The following SDK2 variants were observed in gnomAD, a reference collection of about 807,000 sequenced individuals.
The protein encoded by SDK2 is protein sidekick-2.
SDK2 carries 105 observed loss-of-function variants against 253.9 expected under a neutral mutation model. That is an observed-to-expected ratio of 0.41 (90% CI 0.35 to 0.49). The LOEUF is 0.49. Ranked by LOEUF, SDK2 falls within the 20% of genes least tolerant of loss-of-function variation. The pLI is 0.06. For missense variants in SDK2, 2,608 were observed against 3,003.0 expected (o/e 0.87, Z 3.07); for synonymous variants, 1,249 against 1,234.9 (o/e 1.01, Z -0.24).
intron 1 of SDK2, among the ~76,000 whole-genome samples, chr17:73,578,149 T>A (rs1029769249): frequency 1.3e-5 from 2 of 150,256 alleles, no homozygotes; most frequent in African/African-American, 4.9e-5. Context: ...AACATCCACC[T>A]CCCTGGTTCA....
chr17:73,353,241 G>A (rs964428069), intron 40 of SDK2, among the ~76,000 whole-genome samples: 1 of 152,162 alleles, frequency 6.6e-6, no homozygotes, highest in Non-Finnish European at 1.5e-5. Context: ...ATTAGCACTT[G>A]TGCAAGCAGA....
At chr17:73,363,893 C>G (rs983642779) in intron 38 of SDK2, among the ~76,000 whole-genome samples, 3 of 151,836 alleles carry the variant, frequency 2.0e-5, no homozygotes, top group African/African-American at 7.3e-5. Context: ...GGGCCTGGCT[C>G]CCCCCTGGTG....
chr17:73,604,708 G>C (rs779541901), intron 1 of SDK2, among the ~76,000 whole-genome samples: 60 of 152,202 alleles, frequency 3.9e-4, no homozygotes, highest in Non-Finnish European at 5.9e-4. Context: ...AGTGTGCCAA[G>C]TGGGCCTCAC....
chr17:73,626,360 A>AC (rs1185595443), intron 1 of SDK2, among the ~76,000 whole-genome samples: 1 of 152,178 alleles, frequency 6.6e-6, no homozygotes, highest in Non-Finnish European at 1.5e-5. Context: ...CTCCACCCCC[A>AC]CCACACCCAA....
intron 44 of SDK2, among the ~76,000 whole-genome samples, chr17:73,340,141 G>A (rs1388696702): frequency 1.3e-5 from 2 of 152,186 alleles, no homozygotes. Flanking sequence ...CAAAGTGCTG[G>A]GATTCAGGCG....
intron 41 of SDK2, among the ~76,000 whole-genome samples, chr17:73,351,746 G>T (rs976367948): frequency 1.3e-5 from 2 of 152,132 alleles, no homozygotes; most frequent in Non-Finnish European, 2.9e-5. Context: ...CATGCTGTGT[G>T]GACAAGAGAT....
intron 5 of SDK2, among the ~76,000 whole-genome samples, chr17:73,444,744 C>A (rs2063440199): frequency 6.6e-6 from 1 of 152,196 alleles, no homozygotes; most frequent in African/African-American, 2.4e-5. Context: ...AACTGAGGCT[C>A]AGGGACCATG....
intron 1 of SDK2, among the ~76,000 whole-genome samples, chr17:73,625,324 T>C (rs1204409858): frequency 4.6e-5 from 7 of 152,240 alleles, no homozygotes; most frequent in African/African-American, 7.2e-5. Flanking sequence ...ACCATTCTTC[T>C]ACCTCACCCT....
At chr17:73,606,603 G>A (rs1175018813) in intron 1 of SDK2, among the ~76,000 whole-genome samples, 3 of 152,064 alleles carry the variant, frequency 2.0e-5, no homozygotes, top group Non-Finnish European at 4.4e-5. Context: ...GTCATAAATC[G>A]ACAAACGTGC....
chr17:73,606,197 G>A (rs1356913634), intron 1 of SDK2, among the ~76,000 whole-genome samples: 1 of 152,162 alleles, frequency 6.6e-6, no homozygotes, highest in Non-Finnish European at 1.5e-5. Context: ...ATGGACTCAT[G>A]ATGAAAAGAG....
chr17:73,339,332 T>C (rs968314948), intron 44 of SDK2, among the ~76,000 whole-genome samples: 2 of 150,406 alleles, frequency 1.3e-5, no homozygotes, highest in Non-Finnish European at 3.0e-5. Flanking sequence ...GTTCAAGCAA[T>C]TCTCCTGCCT....
intron 4 of SDK2, among the ~76,000 whole-genome samples, chr17:73,449,204 A>G (rs1490541233): frequency 6.6e-6 from 1 of 152,112 alleles, no homozygotes; most frequent in African/African-American, 2.4e-5. Context: ...CAGAAGCGCC[A>G]CCCACACCGG....
chr17:73,339,235 GT>G (rs368507991), intron 44 of SDK2, among the ~76,000 whole-genome samples: 20,359 of 138,310 alleles, frequency 0.15, 1,865 homozygotes, highest in South Asian at 0.23. Context: ...TTTTGTTTTT[GT>G]TTTTTTTTTT....
chr17:73,539,631 A>G (rs1599661219), intron 1 of SDK2, among the ~76,000 whole-genome samples: 1 of 152,178 alleles, frequency 6.6e-6, no homozygotes, highest in Non-Finnish European at 1.5e-5. Context: ...GAGCTTTGTT[A>G]TGGGTAAAAT....
At position 73,438,020 on chromosome 17, in the gene SDK2, A is replaced by G; in HGVS notation, c.860T>C (p.Val287Ala). 1.3e-6 allele frequency: 2 copies of G among 1,551,572 alleles called. No individual in the cohort carries two copies. Among genetic ancestry groups the G allele is most frequent in the Non-Finnish European group, 1.7e-6 (2 of 1,147,022 alleles). Reference protein sequence around the residue: ...SDAGYYECEAVLRSSSVPSVV... With the variant: ...SDAGYYECEAALRSSSVPSVV... Reference sequence around the variant, plus strand: ...AGAGGGGACGCTGCTGCTGCGCAGGACAGCCTCACACTCGTAGTAGCCGGC... The same window carrying G: ...AGAGGGGACGCTGCTGCTGCGCAGGGCAGCCTCACACTCGTAGTAGCCGGC... Residue 287 changes from valine (V) to alanine (A), a missense_variant, in exon 7 of 45, where the codon GTC (valine) becomes GCC (alanine). Physicochemically the swap from Val to Ala is moderately conservative, Grantham distance 64. Transcript: ENST00000392650.
intron 38 of SDK2, among the ~76,000 whole-genome samples, chr17:73,364,749 G>A (rs1370786906): frequency 6.6e-6 from 1 of 152,106 alleles, no homozygotes; most frequent in Non-Finnish European, 1.5e-5. Flanking sequence ...AGCTTCCCGA[G>A]TAGCTGAGAC....
In SDK2 at chr17:73,419,714, AACAACAAAAAAAACCC is replaced by A. The variant is rs2063212572; in HGVS notation, c.2046-424_2046-409del. Among the ~76,000 whole-genome samples the A allele has an allele frequency of 4.1e-5, 3 of 72,392 alleles. 1 individual carries two copies. The highest frequency in any genetic ancestry group is 4.6e-5 in the African/African-American group (1 of 21,828). 47.5% of individuals were successfully genotyped at this position (72,392 alleles called of 152,430 possible). A position where few individuals can be genotyped will look rare whatever the true frequency, so the allele number is the denominator to read the frequency against. ...GCAAGACCCTGTCTCTACCAAAAAAAACAACAAAAAAAACCCAAAAAAACTCCCTCCTGGTGACTTG... is the reference window on the plus strand; with the variant it reads ...GCAAGACCCTGTCTCTACCAAAAAAAAAAAAAACTCCCTCCTGGTGACTTG... On this transcript the variant is annotated intron_variant, in intron 15 of 44. Coordinates refer to ENST00000392650, the MANE Select transcript of SDK2 (RefSeq NM_001144952.2).
At chr17:73,621,739 T>C (rs2046135518) in intron 1 of SDK2, among the ~76,000 whole-genome samples, 1 of 151,952 alleles carries the variant, frequency 6.6e-6, no homozygotes, top group Non-Finnish European at 1.5e-5. Flanking sequence ...CTTAAATATA[T>C]ATCCATAGAA....
At chr17:73,382,448 C>T (rs556424612) in intron 33 of SDK2, among the ~76,000 whole-genome samples, 4 of 152,170 alleles carry the variant, frequency 2.6e-5, no homozygotes, top group Non-Finnish European at 4.4e-5. Flanking sequence ...CTTAGGTGAA[C>T]GCAAGCACTT....
Sources: allele counts gnomAD v4.1 joint callset (sites outside exome capture counted in the v4.1 genomes callset), GRCh38; gene constraint gnomAD v4.1.1; transcripts MANE v1.5; gene names NCBI Gene and HGNC (gene_info 2026-07-23, HGNC 2026-07-21).